PTPRT: variants seen among roughly 807,000 people sequenced by gnomAD.
The protein encoded by PTPRT is receptor-type tyrosine-protein phosphatase T.
Under a neutral mutation model 176.8 loss-of-function variants are expected in PTPRT, and 56 were observed. The ratio of observed to expected loss-of-function variants is 0.32; its 90% CI spans 0.26 to 0.40. The LOEUF (loss-of-function observed/expected upper bound fraction) is 0.40, where lower values mean the gene tolerates loss of function less well. Ranked by LOEUF, PTPRT falls within the 10% of genes least tolerant of loss-of-function variation. The pLI is 1.00. For missense variants in PTPRT, 1,540 were observed against 1,908.2 expected (o/e 0.81, Z 3.60); for synonymous variants, 783 against 739.0 (o/e 1.06, Z -0.96).
chr20:42,936,874 A>C (rs2145983772), intron 1 of PTPRT, among the ~76,000 whole-genome samples: 1 of 152,316 alleles, frequency 6.6e-6, no homozygotes, highest in Admixed American at 6.5e-5. Flanking sequence ...AACGAAGTAA[A>C]GACCAAGAGT....
chr20:43,048,795 A>G (rs2037793416), intron 1 of PTPRT, among the ~76,000 whole-genome samples: 1 of 152,210 alleles, frequency 6.6e-6, no homozygotes, highest in Admixed American at 6.5e-5. Context: ...AAAGTTTATG[A>G]CATGGAGAGA....
intron 11 of PTPRT, among the ~76,000 whole-genome samples, chr20:42,330,820 C>T (rs1328009447): frequency 2.0e-5 from 3 of 152,304 alleles, no homozygotes; most frequent in Admixed American, 1.3e-4. Context: ...GCTGCAGGGG[C>T]CCTGCTCCTG....
chr20:42,539,373 T>G (rs528073398), intron 7 of PTPRT, among the ~76,000 whole-genome samples: 1 of 151,908 alleles, frequency 6.6e-6, no homozygotes, highest in South Asian at 2.1e-4. Context: ...TTTTTTTTTT[T>G]TTTTTGTGGT....
At chr20:42,735,334 C>T (rs573249524) in intron 6 of PTPRT, among the ~76,000 whole-genome samples, 38 of 152,138 alleles carry the variant, frequency 2.5e-4, no homozygotes, top group African/African-American at 9.2e-4. Context: ...CCTGAGCTGT[C>T]CTTAGGACCA....
At chr20:42,580,181 T>C (rs1050486421) in intron 7 of PTPRT, among the ~76,000 whole-genome samples, 21 of 152,174 alleles carry the variant, frequency 1.4e-4, no homozygotes, top group African/African-American at 3.6e-4. Context: ...CATTGCTTGT[T>C]TTTCTCAGGT....
intron 17 of PTPRT, among the ~76,000 whole-genome samples, chr20:42,153,951 G>A (rs1989241748): frequency 1.3e-5 from 2 of 152,208 alleles, no homozygotes; most frequent in Admixed American, 6.5e-5. Flanking sequence ...TCTCAAGTTT[G>A]AAACCACAGC....
intron 1 of PTPRT, among the ~76,000 whole-genome samples, chr20:42,916,461 A>G (rs182192974): frequency 2.9e-4 from 44 of 152,296 alleles, no homozygotes; most frequent in African/African-American, 9.4e-4. Flanking sequence ...ATGATTTATA[A>G]TCCTTTGGGT....
chr20:42,102,659 G>C (rs565397833), intron 25 of PTPRT, among the ~76,000 whole-genome samples: 1 of 152,320 alleles, frequency 6.6e-6, no homozygotes, highest in South Asian at 2.1e-4. Flanking sequence ...AGGGGTGGGG[G>C]TAGGGAATCC....
intron 1 of PTPRT, among the ~76,000 whole-genome samples, chr20:42,917,976 AGCG>A (rs1978888104): frequency 6.6e-6 from 1 of 152,258 alleles, no homozygotes; most frequent in Admixed American, 6.5e-5. Flanking sequence ...TAAATGTACT[AGCG>A]GTCGCGTGTC....
At chr20:42,096,558 G>T (rs764798597) in intron 27 of PTPRT, among the ~76,000 whole-genome samples, 1 of 152,024 alleles carries the variant, frequency 6.6e-6, no homozygotes, top group African/African-American at 2.4e-5. Context: ...AGCCAAGATC[G>T]CACCACTGTT....
chr20:42,824,184 A>G (rs1320821867), intron 2 of PTPRT, among the ~76,000 whole-genome samples: 8 of 151,958 alleles, frequency 5.3e-5, no homozygotes, highest in African/African-American at 1.9e-4. Flanking sequence ...TCAAGATGGA[A>G]ATTATCACAA....
chr20:42,372,806 G>A (rs2058604404), intron 9 of PTPRT, among the ~76,000 whole-genome samples: 1 of 152,126 alleles, frequency 6.6e-6, no homozygotes, highest in South Asian at 2.1e-4. Flanking sequence ...TGAGGATGCA[G>A]CATGAAGTTT....
At chr20:42,511,934 C>T (rs1398974897) in intron 7 of PTPRT, among the ~76,000 whole-genome samples, 1 of 152,042 alleles carries the variant, frequency 6.6e-6, no homozygotes, top group Non-Finnish European at 1.5e-5. Context: ...AAAGTTTGTA[C>T]ATCATGAATG....
At chr20:43,076,076 T>C (rs148046634) in intron 1 of PTPRT, among the ~76,000 whole-genome samples, 1 of 152,350 alleles carries the variant, frequency 6.6e-6, no homozygotes, top group Non-Finnish European at 1.5e-5. Flanking sequence ...TTCCCACTAC[T>C]ATAATTAGAA....
chr20:42,660,390 C>T (rs1018539630), intron 7 of PTPRT, among the ~76,000 whole-genome samples: 1 of 152,088 alleles, frequency 6.6e-6, no homozygotes, highest in Admixed American at 6.5e-5. Flanking sequence ...GTATTGTAAG[C>T]TTATTCCAGC....
intron 6 of PTPRT, among the ~76,000 whole-genome samples, chr20:42,699,092 G>A (rs2075932362): frequency 6.6e-6 from 1 of 152,188 alleles, no homozygotes. Context: ...AACCTAAAAA[G>A]GAGTAAAAAG....
chr20:42,962,147 G>A lies in PTPRT; in HGVS notation c.89-76215C>T, dbSNP rs559459564. On this transcript the variant is annotated intron_variant, in intron 1 of 30. Transcript: ENST00000373187. Reference sequence around the variant, plus strand: ...ACAGCAGCAGTAGGAAACTAATACAGGTAATGTATCCAAAAGAAGAGTAGA... The same window carrying A: ...ACAGCAGCAGTAGGAAACTAATACAAGTAATGTATCCAAAAGAAGAGTAGA... Among the ~76,000 whole-genome samples the A allele has an allele frequency of 2.6e-4, 39 of 152,266 alleles. 1 individual carries two copies. In the South Asian group the frequency reaches 8.1e-3, roughly 32 times the overall value.
At chr20:42,905,380 C>T (rs139526345) in intron 1 of PTPRT, among the ~76,000 whole-genome samples, 2,862 of 152,286 alleles carry the variant, frequency 0.019, 104 homozygotes, top group African/African-American at 0.065. Context: ...CCATCTCACA[C>T]CAGTTAGAAT....
intron 1 of PTPRT, among the ~76,000 whole-genome samples, chr20:42,958,991 A>G (rs1237655686): frequency 3.3e-5 from 5 of 152,182 alleles, no homozygotes; most frequent in African/African-American, 1.2e-4. Context: ...CTTAAATTAA[A>G]TGTTTCAGTT....
Sources: allele counts gnomAD v4.1 joint callset (sites outside exome capture counted in the v4.1 genomes callset), GRCh38; gene constraint gnomAD v4.1.1; transcripts MANE v1.5; gene names NCBI Gene and HGNC (gene_info 2026-07-23, HGNC 2026-07-21).